HTT: variants seen among roughly 807,000 people sequenced by gnomAD.
The protein encoded by HTT is huntingtin.
Under a neutral mutation model 362.3 loss-of-function variants are expected in HTT, and 104 were observed. That is an observed-to-expected ratio of 0.29 (90% CI 0.24 to 0.34). The LOEUF (loss-of-function observed/expected upper bound fraction) is 0.34. Among genes scored for constraint, HTT ranks in the 10% least tolerant of loss-of-function variants. The probability of loss-of-function intolerance (pLI) is 1.00; values close to 1 mark genes in which losing one functional copy is unlikely to be tolerated. For synonymous variants in HTT, 1,577 were observed against 1,548.7 expected (o/e 1.02, Z -0.43); for missense variants, 3,301 against 3,928.6 (o/e 0.84, Z 4.27).
At chr4:3,186,505 G>A in intron 37 of HTT, 92 bp from the exon 38 acceptor site, 1 of 1,388,834 alleles carries the variant, frequency 7.2e-7, no homozygotes, top group Non-Finnish European at 1.0e-6. Flanking sequence ...AGATGATTAT[G>A]ATGATTTGCC....
intron 64 of HTT, among the ~76,000 whole-genome samples, chr4:3,236,954 A>G (rs1333168729): frequency 6.6e-6 from 1 of 152,178 alleles, no homozygotes; most frequent in Non-Finnish European, 1.5e-5. Context: ...CAGGGTGGCC[A>G]GTGGGGAGCC....
chr4:3,178,921 G>T (rs1346924864), intron 35 of HTT, among the ~76,000 whole-genome samples: 1 of 152,198 alleles, frequency 6.6e-6, no homozygotes, highest in Non-Finnish European at 1.5e-5. Flanking sequence ...CTTAAATAAG[G>T]AACCCAGGAG....
intron 1 of HTT, among the ~76,000 whole-genome samples, chr4:3,079,721 G>C (rs1240313495): frequency 1.3e-5 from 2 of 152,188 alleles, no homozygotes; most frequent in Non-Finnish European, 2.9e-5. Context: ...CAGAGGAGTA[G>C]CATGATCTGA....
intron 8 of HTT, among the ~76,000 whole-genome samples, chr4:3,119,215 G>A (rs1208875451): frequency 6.6e-6 from 1 of 152,222 alleles, no homozygotes; most frequent in African/African-American, 2.4e-5. Context: ...GTATGTTTAA[G>A]AAGCTGGGCA....
intron 61 of HTT, among the ~76,000 whole-genome samples, chr4:3,235,073 G>A (rs1487960812): frequency 6.6e-6 from 1 of 152,162 alleles, no homozygotes; most frequent in Admixed American, 6.5e-5. Flanking sequence ...CGTTGGGGAG[G>A]TAGACGGGCT....
chr4:3,234,221 G>A (rs1721407528), intron 61 of HTT, among the ~76,000 whole-genome samples: 1 of 152,270 alleles, frequency 6.6e-6, no homozygotes, highest in Admixed American at 6.5e-5. Context: ...ACATGCCGGT[G>A]GCCGTCTGGC....
intron 3 of HTT, among the ~76,000 whole-genome samples, chr4:3,101,972 C>T (rs1329071397): frequency 6.6e-6 from 1 of 152,178 alleles, no homozygotes; most frequent in Non-Finnish European, 1.5e-5. Context: ...GAGGCTGAAC[C>T]CATCTTATGC....
chr4:3,200,887 A>T (rs752812191), intron 41 of HTT, among the ~76,000 whole-genome samples: 7 of 152,226 alleles, frequency 4.6e-5, no homozygotes, highest in Non-Finnish European at 7.3e-5. Context: ...AGTGTCTCCT[A>T]GTTCTGTGCT....
chr4:3,155,012 G>C (rs936736808), intron 27 of HTT, among the ~76,000 whole-genome samples: 1 of 151,444 alleles, frequency 6.6e-6, no homozygotes, highest in South Asian at 2.1e-4. Context: ...TGCTCTCGGT[G>C]GGCAGTGGCA....
At chr4:3,180,274 T>G (rs190244094) in intron 35 of HTT, among the ~76,000 whole-genome samples, 23 of 152,338 alleles carry the variant, frequency 1.5e-4, no homozygotes, top group African/African-American at 5.5e-4. Context: ...TGTTAAATTA[T>G]AGGAGCCCTA....
At chr4:3,115,664 G>A (rs79870385) in intron 7 of HTT, among the ~76,000 whole-genome samples, 1 of 152,208 alleles carries the variant, frequency 6.6e-6, no homozygotes, top group African/African-American at 2.4e-5. Context: ...GTGGGCTGGT[G>A]TGAGCCCTGT....
chr4:3,186,735 G>A lies in HTT; in HGVS notation c.4989+16G>A. The A allele has an allele frequency of 6.2e-7, 1 of 1,612,044 alleles. No individual in the cohort carries two copies. The highest frequency in any genetic ancestry group is 8.5e-7 in the Non-Finnish European group (1 of 1,178,658). On this transcript the variant is annotated intron_variant, in intron 38 of 66. Transcript: ENST00000355072. Reference sequence around the variant, plus strand: ...AAACACAATGGTGAGTCTCTCGCCTGGCTCAGCAGATGAATCTGGACGGCT... The same window carrying A: ...AAACACAATGGTGAGTCTCTCGCCTAGCTCAGCAGATGAATCTGGACGGCT...
At chr4:3,238,753 C>CCCCCCCCCCCCGGG in intron 65 of HTT, 65 bp from the exon 66 acceptor site, 2 of 1,216,182 alleles carry the variant, frequency 1.6e-6, no homozygotes, top group Non-Finnish European at 2.3e-6. Flanking sequence ...CCCCGCCACC[C>CCCCCCCCCCCCGGG]AGGCGCAGCA....
chr4:3,080,137 C>T (rs1339811119), intron 1 of HTT, among the ~76,000 whole-genome samples: 1 of 148,298 alleles, frequency 6.7e-6, no homozygotes, highest in Non-Finnish European at 1.5e-5. Context: ...TCTTGTCACC[C>T]GGGCTGGAGT....
intron 49 of HTT, among the ~76,000 whole-genome samples, chr4:3,213,719 GGA>G (rs1281859881): frequency 6.6e-6 from 1 of 152,232 alleles, no homozygotes; most frequent in Admixed American, 6.5e-5. Context: ...CAGCGCTGAA[GGA>G]GAGAGAGGCA....
chr4:3,231,301 G>A (rs2110297655), intron 60 of HTT, among the ~76,000 whole-genome samples: 1 of 152,308 alleles, frequency 6.6e-6, no homozygotes, highest in East Asian at 1.9e-4. Flanking sequence ...GGGCTCCTGT[G>A]TGTCAGGAAC....
chr4:3,120,378 A>G (rs1715236189), intron 8 of HTT, among the ~76,000 whole-genome samples: 1 of 152,208 alleles, frequency 6.6e-6, no homozygotes, highest in South Asian at 2.1e-4. Flanking sequence ...TTAAAGGGAA[A>G]AAGAATAAAT....
At chr4:3,193,361 G>A (rs1173023636) in intron 40 of HTT, among the ~76,000 whole-genome samples, 2 of 152,226 alleles carry the variant, frequency 1.3e-5, no homozygotes, top group Non-Finnish European at 2.9e-5. Flanking sequence ...AGAAAATATG[G>A]CTTGTTAATG....
intron 9 of HTT, among the ~76,000 whole-genome samples, chr4:3,122,150 A>G (rs532666259): frequency 6.6e-6 from 1 of 152,330 alleles, no homozygotes; most frequent in African/African-American, 2.4e-5. Flanking sequence ...TCCACTGCCC[A>G]GTCACCTCCT....
Sources: allele counts gnomAD v4.1 joint callset (sites outside exome capture counted in the v4.1 genomes callset), GRCh38; gene constraint gnomAD v4.1.1; transcripts MANE v1.5; gene names NCBI Gene and HGNC (gene_info 2026-07-23, HGNC 2026-07-21).